Variants in TMEM252 observed in about 807,000 individuals in gnomAD.
TMEM252 encodes transmembrane protein C9orf71.
Under a neutral mutation model 6.4 loss-of-function variants are expected in TMEM252, and 4 were observed. The observed-to-expected ratio is 0.62, with a 90% CI of 0.31 to 1.43. The LOEUF is 1.43. TMEM252 is among the 40% of genes most tolerant of loss of function. The pLI is 0.07. For missense variants in TMEM252, 207 were observed against 209.4 expected (o/e 0.99, Z 0.07); for synonymous variants, 85 against 82.5 (o/e 1.03, Z -0.17).
intron 1 of TMEM252, among the ~76,000 whole-genome samples, chr9:68,538,089 C>T (rs1825163108): frequency 6.6e-6 from 1 of 152,254 alleles, no homozygotes; most frequent in African/African-American, 2.4e-5. Flanking sequence ...CAACTGACAA[C>T]TTTACACAGA....
intron 1 of TMEM252, among the ~76,000 whole-genome samples, chr9:68,537,747 T>C (rs569691777): frequency 6.6e-6 from 1 of 152,344 alleles, no homozygotes; most frequent in African/African-American, 2.4e-5. Context: ...GCCAAGCTAT[T>C]CCTTCTCTAT....
chr9:68,538,488 A>G (rs1255534472), intron 1 of TMEM252, among the ~76,000 whole-genome samples: 2 of 151,976 alleles, frequency 1.3e-5, no homozygotes, highest in African/African-American at 4.9e-5. Flanking sequence ...GCACATGTGT[A>G]AAGGCATTTT....
At chr9:68,538,192 A>T (rs1176453907) in intron 1 of TMEM252, among the ~76,000 whole-genome samples, 1 of 152,190 alleles carries the variant, frequency 6.6e-6, no homozygotes, top group African/African-American at 2.4e-5. Context: ...GGCATTTCTA[A>T]TTGCTAAATC....
chr9:68,540,455 TA>T (rs1272952469), intron 1 of TMEM252, 81 bp downstream of exon 1: 3 of 1,573,080 alleles, frequency 1.9e-6, no homozygotes, highest in Middle Eastern at 2.3e-4. Context: ...AGTCGCTCCA[TA>T]GTAGGATCAG....
intron 1 of TMEM252, among the ~76,000 whole-genome samples, chr9:68,540,195 G>C (rs1463080748): frequency 6.6e-6 from 1 of 152,250 alleles, no homozygotes; most frequent in East Asian, 1.9e-4. Context: ...TCATAGCCAG[G>C]TTATGGGAAG....
At chr9:68,539,830 A>G (rs149703590) in intron 1 of TMEM252, among the ~76,000 whole-genome samples, 1 of 152,344 alleles carries the variant, frequency 6.6e-6, no homozygotes, top group Non-Finnish European at 1.5e-5. Context: ...TCAATATTTA[A>G]TGTATAGAGG....
In TMEM252 at chr9:68,539,904, G is replaced by A. The variant is rs191587024; in HGVS notation, c.278+633C>T. On this transcript the variant is annotated intron_variant, in intron 1 of 1. Coordinates refer to ENST00000377311, the MANE Select transcript of TMEM252 (RefSeq NM_153237.2). Reference sequence around the variant, plus strand: ...AACATTCCCACCAGCAATGCACAGCGTTCCAATTTATTGACATCCTCACCA... The same window carrying A: ...AACATTCCCACCAGCAATGCACAGCATTCCAATTTATTGACATCCTCACCA... Among the ~76,000 whole-genome samples the A allele has an allele frequency of 2.2e-4, 33 of 152,308 alleles. No individual in the cohort carries two copies. In the East Asian group the frequency reaches 4.8e-3, roughly 22 times the overall value.
rs1363668698 is a variant in TMEM252 at position 68,537,457 on chromosome 9, A to G, written c.315T>C (p.Leu105=). 6.2e-7 allele frequency: 1 copy of G among 1,603,904 alleles called. No individual in the cohort carries two copies. Among genetic ancestry groups the G allele is most frequent in the Non-Finnish European group, 8.5e-7 (1 of 1,177,422 alleles). Residue 105 remains leucine (L), a synonymous_variant, in exon 2 of 2, where the codon CTT becomes CTC. Coordinates refer to ENST00000377311, the MANE Select transcript of TMEM252 (RefSeq NM_153237.2). ...CAGGACAGCTCTGCTTTTCCACCTC[A>G]AGGCTCTCTTCATAAGCTGGAGGGT... ...DFYPPAYEES[L]EVEKQSCPAE...
chr9:68,536,808 A>G lies in TMEM252; in HGVS notation c.*451T>C, dbSNP rs1825145175. The G allele has an allele frequency of 6.3e-6, 1 of 157,884 alleles. No homozygotes were observed. The highest frequency in any genetic ancestry group is 1.4e-5 in the Non-Finnish European group (1 of 72,148). The allele number at this position is 157,884 out of a possible 1,614,324, so 9.8% of individuals were successfully genotyped here. On this transcript the variant is annotated 3_prime_UTR_variant, in exon 2 of 2. Coordinates refer to ENST00000377311, the MANE Select transcript of TMEM252 (RefSeq NM_153237.2). Reference sequence around the variant, plus strand: ...AACAAGCTAACAAAACAAAAGGCTGAACAATCAATAAATTAAACAACAAAC... The same window carrying G: ...AACAAGCTAACAAAACAAAAGGCTGGACAATCAATAAATTAAACAACAAAC...
In TMEM252 at chr9:68,536,624, G is replaced by A. The variant is rs1438678318; in HGVS notation, c.*635C>T. 1 of 152,096 alleles carries A rather than the reference G, an allele frequency of 6.6e-6. No individual in the cohort carries two copies. The highest frequency in any genetic ancestry group is 1.5e-5 in the Non-Finnish European group (1 of 68,014). 9.4% of individuals were successfully genotyped at this position (152,096 alleles called of 1,614,324 possible). ...TAATATTTTGTGTTTGAACCATCTT[G>A]AAGGCAAATATTACAGTCATTTTCC... On this transcript the variant is annotated 3_prime_UTR_variant, in exon 2 of 2. Coordinates refer to ENST00000377311, the MANE Select transcript of TMEM252 (RefSeq NM_153237.2).
chr9:68,538,639 C>T (rs750429551), intron 1 of TMEM252, among the ~76,000 whole-genome samples: 5 of 152,176 alleles, frequency 3.3e-5, no homozygotes, highest in African/African-American at 9.7e-5. Flanking sequence ...ATTCCATCAT[C>T]GGAGACCCAT....
At position 68,537,439 on chromosome 9, in the gene TMEM252, G is replaced by C; in HGVS notation, c.333C>G (p.Ser111Arg). 1 of 1,604,144 alleles carries C rather than the reference G, an allele frequency of 6.2e-7. No individual in the cohort carries two copies. The highest frequency in any genetic ancestry group is 1.1e-5 in the South Asian group (1 of 89,008). ...YEESLEVEKQSCPAEREASGI... is the reference protein window; with the variant it reads ...YEESLEVEKQRCPAEREASGI... ...CAGAGGCCTCTCTCTCTGCAGGACA[G>C]CTCTGCTTTTCCACCTCAAGGCTCT... The change falls in exon 2 of 2, where the codon AGC becomes AGG. Residue 111 changes from serine (S) to arginine (R), a missense_variant. Physicochemically the swap from Ser to Arg is moderately radical, Grantham distance 110. Coordinates refer to ENST00000377311, the MANE Select transcript of TMEM252 (RefSeq NM_153237.2).
At chr9:68,539,067 T>C (rs914996685) in intron 1 of TMEM252, among the ~76,000 whole-genome samples, 4 of 152,224 alleles carry the variant, frequency 2.6e-5, no homozygotes, top group African/African-American at 9.6e-5. Context: ...TATTATCTTA[T>C]TAATTAGCAT....
chr9:68,537,186 CT>C lies in TMEM252; in HGVS notation c.*72del. 1 of 1,358,260 alleles carries C rather than the reference CT, an allele frequency of 7.4e-7. No homozygotes were observed. Among genetic ancestry groups the C allele is most frequent in the South Asian group, 1.3e-5 (1 of 77,364 alleles). 84.1% of individuals were successfully genotyped at this position (1,358,260 alleles called of 1,614,324 possible). A position where few individuals can be genotyped will look rare whatever the true frequency, so the allele number is the denominator to read the frequency against. On this transcript the variant is annotated 3_prime_UTR_variant, in exon 2 of 2. Coordinates refer to ENST00000377311, the MANE Select transcript of TMEM252 (RefSeq NM_153237.2). The stretch of plus-strand genomic sequence containing the variant: ...GGTGTGGCTTTTCCTCCCACAGTCC[CT>C]CGTTTGCCTTTATTATCAGTAGCTG...
At position 68,537,339 on chromosome 9, in the gene TMEM252, G is replaced by C. The variant is rs778993105; in HGVS notation, c.433C>G (p.Pro145Ala). Residue 145 changes from proline (P) to alanine (A), a missense_variant, in exon 2 of 2, where the codon CCA becomes GCA. Coordinates refer to ENST00000377311, the MANE Select transcript of TMEM252 (RefSeq NM_153237.2). ...CCGGCTATGGACTCTCTATAAGATG[G>C]TGGGGCCTCTGGGTGGGAGTCATTT... ...DGNDSHPEAPPSYRESIAGLV... is the reference protein window; with the variant it reads ...DGNDSHPEAPASYRESIAGLV... 1 of 1,605,720 alleles carries C rather than the reference G, an allele frequency of 6.2e-7. No homozygotes were observed. Among genetic ancestry groups the C allele is most frequent in the South Asian group, 1.1e-5 (1 of 89,604 alleles).
rs1409375249 is a variant in TMEM252, at chr9:68,536,700, A to G, written c.*559T>C. On this transcript the variant is annotated 3_prime_UTR_variant, in exon 2 of 2. Transcript: ENST00000377311. ...TGAAAATAAAATAATACAAAATAAC[A>G]TTCATGGGTTCCGAGGGCATATCTC... 6.6e-6 allele frequency: 1 copy of G among 152,276 alleles called. No homozygotes were observed. Among genetic ancestry groups the G allele is most frequent in the African/African-American group, 2.4e-5 (1 of 41,460 alleles). The allele number at this position is 152,276 out of a possible 1,614,324, so 9.4% of individuals were successfully genotyped here. A position where few individuals can be genotyped will look rare whatever the true frequency, so the allele number is the denominator to read the frequency against.
At position 68,540,627 on chromosome 9, in the gene TMEM252, T is replaced by C. The variant is rs139727994; in HGVS notation, c.188A>G (p.Tyr63Cys). ...ILLSGIFWSN[Y>C]RQVTESKGVL... is the part of the protein sequence containing the mutation. ...TCCTTTGCTTTCAGTCACCTGGCGA[T>C]AGTTGCTCCAGAAAATTCCACTCAG... Residue 63 changes from tyrosine to cysteine, a missense_variant, in exon 1 of 2, where the codon TAT becomes TGT. Transcript: ENST00000377311. The C allele has an allele frequency of 1.2e-6, 2 of 1,614,178 alleles. No individual in the cohort carries two copies. The highest frequency in any genetic ancestry group is 1.7e-6 in the Non-Finnish European group (2 of 1,180,026).
In TMEM252 at chr9:68,539,154, A is replaced by T. The variant is rs185126168; in HGVS notation, c.278+1383T>A. On this transcript the variant is annotated intron_variant, in intron 1 of 1. Coordinates refer to ENST00000377311, the MANE Select transcript of TMEM252 (RefSeq NM_153237.2). ...ACATGGAGTAGCTAAAATATTTTAG[A>T]TACTTTCTACTCTTGCACGAAGAGG... is the stretch of plus-strand genomic sequence containing the variant. Among the ~76,000 whole-genome samples the T allele has an allele frequency of 1.3e-3, 198 of 152,336 alleles. 1 individual carries two copies. The highest frequency in any genetic ancestry group is 2.3e-3 in the Non-Finnish European group (157 of 68,038).
At chr9:68,537,742 G>A (rs755778792) in intron 1 of TMEM252, among the ~76,000 whole-genome samples, 3 of 152,200 alleles carry the variant, frequency 2.0e-5, no homozygotes, top group Non-Finnish European at 4.4e-5. Context: ...GTTATGCCAA[G>A]CTATTCCTTC....
Sources: allele counts gnomAD v4.1 joint callset (sites outside exome capture counted in the v4.1 genomes callset), GRCh38; gene constraint gnomAD v4.1.1; transcripts MANE v1.5; gene names NCBI Gene and HGNC (gene_info 2026-07-23, HGNC 2026-07-21).